Variants in PLXDC1 observed in about 807,000 individuals in gnomAD.
The protein encoded by PLXDC1 is plexin domain-containing protein 1.
A neutral mutation model predicts 61.3 loss-of-function variants in PLXDC1; 39 were observed. The observed-to-expected ratio is 0.64, with a 90% CI of 0.49 to 0.83. PLXDC1 has a LOEUF of 0.83. PLXDC1 is among the 40% of genes least tolerant of loss of function. The pLI is 0.00. For missense variants in PLXDC1, 596 were observed against 666.5 expected, an observed-to-expected ratio of 0.89 and a Z score of 1.17; for synonymous variants, 212 against 254.5, an observed-to-expected ratio of 0.83 and a Z score of 1.59.
intron 1 of PLXDC1, among the ~76,000 whole-genome samples, chr17:39,141,330 G>A (rs1911927963): frequency 6.6e-6 from 1 of 152,198 alleles, no homozygotes; most frequent in African/African-American, 2.4e-5. Flanking sequence ...ACAGCGCGCA[G>A]CCTGTATCTA....
At position 39,139,511 on chromosome 17, in the gene PLXDC1, C is replaced by T. The variant is rs543311127; in HGVS notation, c.255+143G>A. On this transcript the variant is annotated intron_variant, in intron 2 of 13. Transcript: ENST00000315392. ...CTGGGCCCTGCTTCCATCCCCTCCC[C>T]GGGGATTCTTCTCTCCACCCTGTCC... 488 of 730,758 alleles carry T rather than the reference C, an allele frequency of 6.7e-4. 1 individual carries two copies. The highest frequency in any genetic ancestry group is 9.7e-4 in the Non-Finnish European group (443 of 455,502). The allele number at this position is 730,758 out of a possible 1,614,324, so 45.3% of individuals were successfully genotyped here.
chr17:39,148,258 A>C (rs1198755957), intron 1 of PLXDC1, among the ~76,000 whole-genome samples: 2 of 152,080 alleles, frequency 1.3e-5, no homozygotes, highest in Non-Finnish European at 2.9e-5. Flanking sequence ...TGCCCTCACT[A>C]TGTGGCATGA....
At chr17:39,139,061 G>A (rs918644390) in intron 2 of PLXDC1, among the ~76,000 whole-genome samples, 2 of 152,048 alleles carry the variant, frequency 1.3e-5, no homozygotes, top group African/African-American at 2.4e-5. Context: ...CAGACACACC[G>A]AGGCTTCCAA....
chr17:39,105,718 C>T, intron 7 of PLXDC1, 136 bp downstream of exon 7: 4 of 633,140 alleles, frequency 6.3e-6, no homozygotes, highest in Non-Finnish European at 1.1e-5. Context: ...ACTGGGCATC[C>T]TTTCCTGCCT....
At chr17:39,128,086 T>TGTGTATATATATATATATATATA (rs1567769441) in intron 2 of PLXDC1, among the ~76,000 whole-genome samples, 2 of 118,320 alleles carry the variant, frequency 1.7e-5, no homozygotes, top group East Asian at 5.1e-4. Context: ...TCTCTCTCTC[T>TGTGTATATATATATATATATATA]CTCTCTATGT....
At chr17:39,082,469 G>T (rs970143569) in intron 9 of PLXDC1, among the ~76,000 whole-genome samples, 3 of 151,894 alleles carry the variant, frequency 2.0e-5, no homozygotes, top group Non-Finnish European at 4.4e-5. Context: ...AGAGGCTGAG[G>T]CAGGAGAATC....
intron 1 of PLXDC1, among the ~76,000 whole-genome samples, chr17:39,145,898 G>C (rs1469258855): frequency 6.6e-6 from 1 of 152,084 alleles, no homozygotes; most frequent in African/African-American, 2.4e-5. Context: ...TGGTAGGTTT[G>C]ACACTTTAAC....
intron 2 of PLXDC1, among the ~76,000 whole-genome samples, chr17:39,120,209 T>C (rs1911114763): frequency 6.6e-6 from 1 of 152,132 alleles, no homozygotes; most frequent in Non-Finnish European, 1.5e-5. Flanking sequence ...TGGAGTGCAA[T>C]GGCACCACCT....
In PLXDC1 at chr17:39,140,316, C is replaced by CTTTTTCTTTTTCTTTTTT. The variant is rs367716934; in HGVS notation, c.77-485_77-484insAAAAAAGAAAAAGAAAAA. 2.6e-5 allele frequency among the ~76,000 whole-genome samples: 4 copies of CTTTTTCTTTTTCTTTTTT among 151,144 alleles called. No individual in the cohort carries two copies. The East Asian group carries it at 6.0e-4, about 23-fold the overall frequency. Reference sequence around the variant, plus strand: ...GGGCATTCAATTTCTTTTTCTTTTTCTTTTTTTGAAATGGAGTCTCGCTCT... The same window carrying CTTTTTCTTTTTCTTTTTT: ...GGGCATTCAATTTCTTTTTCTTTTTCTTTTTCTTTTTCTTTTTTTTTTTTTGAAATGGAGTCTCGCTCT... On this transcript the variant is annotated intron_variant, in intron 1 of 13. Transcript: ENST00000315392.
At chr17:39,098,835 A>G (rs1910318508) in intron 7 of PLXDC1, among the ~76,000 whole-genome samples, 2 of 152,172 alleles carry the variant, frequency 1.3e-5, no homozygotes, top group South Asian at 4.1e-4. Flanking sequence ...CAGGGAACCC[A>G]GGGGACACAG....
At chr17:39,105,088 G>C (rs1001475386) in intron 7 of PLXDC1, among the ~76,000 whole-genome samples, 1 of 152,184 alleles carries the variant, frequency 6.6e-6, no homozygotes, top group African/African-American at 2.4e-5. Context: ...TCAAAGCCCA[G>C]GTGGGGTGGG....
chr17:39,074,042 A>G (rs1023398761), intron 11 of PLXDC1, among the ~76,000 whole-genome samples: 7 of 151,770 alleles, frequency 4.6e-5, no homozygotes, highest in South Asian at 2.1e-4. Context: ...CCTTCATTCA[A>G]TCTCCCTGTT....
At chr17:39,098,023 G>A (rs1030136683) in intron 7 of PLXDC1, among the ~76,000 whole-genome samples, 1 of 151,432 alleles carries the variant, frequency 6.6e-6, no homozygotes, top group Non-Finnish European at 1.5e-5. Context: ...GGCCAACATG[G>A]TGAAACCCCG....
chr17:39,140,594 C>G (rs138863585), intron 1 of PLXDC1, among the ~76,000 whole-genome samples: 399 of 152,336 alleles, frequency 2.6e-3, no homozygotes, highest in African/African-American at 9.2e-3. Flanking sequence ...CGTGAGCCAC[C>G]GCGCCTAGCC....
intron 7 of PLXDC1, among the ~76,000 whole-genome samples, chr17:39,100,883 C>T (rs1042489099): frequency 2.4e-4 from 37 of 152,134 alleles, no homozygotes; most frequent in South Asian, 1.0e-3. Flanking sequence ...CAGGAGGGGT[C>T]GTGGGAGGTA....
chr17:39,122,604 G>A (rs1911200946), intron 2 of PLXDC1, among the ~76,000 whole-genome samples: 1 of 152,118 alleles, frequency 6.6e-6, no homozygotes, highest in Admixed American at 6.6e-5. Context: ...CTCTTAAAAA[G>A]GATGCGGAGA....
intron 1 of PLXDC1, among the ~76,000 whole-genome samples, chr17:39,148,980 A>G (rs918242542): frequency 3.3e-5 from 5 of 151,340 alleles, no homozygotes; most frequent in Admixed American, 1.3e-4. Flanking sequence ...CAGGATGCCA[A>G]CTCTCGCTGC....
At chr17:39,108,297 C>T in intron 4 of PLXDC1, 52 bp from the exon 5 acceptor site, 1 of 1,596,476 alleles carries the variant, frequency 6.3e-7, no homozygotes, top group Non-Finnish European at 8.6e-7. Flanking sequence ...AGAGGGGCCG[C>T]TTTGGGGGCC....
intron 7 of PLXDC1, among the ~76,000 whole-genome samples, chr17:39,092,854 C>G (rs146714417): frequency 6.6e-6 from 1 of 152,092 alleles, no homozygotes; most frequent in Non-Finnish European, 1.5e-5. Flanking sequence ...CCTGAATTGC[C>G]GTTGTTGCCA....
Sources: allele counts gnomAD v4.1 joint callset (sites outside exome capture counted in the v4.1 genomes callset), GRCh38; gene constraint gnomAD v4.1.1; transcripts MANE v1.5; gene names NCBI Gene and HGNC (gene_info 2026-07-23, HGNC 2026-07-21).